Variants in CCSER1 observed in about 807,000 individuals in gnomAD.
The protein encoded by CCSER1 is coiled-coil serine rich protein 1.
CCSER1 carries 41 observed loss-of-function variants against 82.0 expected under a neutral mutation model. That is an observed-to-expected ratio of 0.50 (90% CI 0.39 to 0.65). CCSER1 has a LOEUF of 0.65. CCSER1 is among the 30% of genes least tolerant of loss of function. The pLI is 0.00. For synonymous variants in CCSER1, 414 were observed against 383.9 expected, an observed-to-expected ratio of 1.08 and a Z score of -0.92; for missense variants, 1,119 against 1,064.2, an observed-to-expected ratio of 1.05 and a Z score of -0.72.
At chr4:90,523,943 G>A (rs948041426) in intron 5 of CCSER1, among the ~76,000 whole-genome samples, 11 of 152,098 alleles carry the variant, frequency 7.2e-5, no homozygotes, top group Non-Finnish European at 1.5e-4. Flanking sequence ...TGTACATGAA[G>A]TTGAAAACCT....
In CCSER1 at chr4:90,309,147, G is replaced by A; in HGVS notation, c.863G>A (p.Gly288Asp). ...ATGGCATCCCACTGTGACAACTTTG[G>A]CCACAATGATTCTACCTCTCAGATG... is the stretch of plus-strand genomic sequence containing the variant. Reference protein sequence around the residue: ...GSMASHCDNFGHNDSTSQMSL... With the variant: ...GSMASHCDNFDHNDSTSQMSL... The change falls in exon 2 of 11, where the codon GGC (glycine) becomes GAC (aspartate). Residue 288 changes from glycine (G) to aspartate (D), a missense_variant. Gly to Asp is a moderately conservative substitution (Grantham distance 94). Transcript: ENST00000509176. The A allele has an allele frequency of 6.2e-7, 1 of 1,613,890 alleles. No individual in the cohort carries two copies. The highest frequency in any genetic ancestry group is 8.5e-7 in the Non-Finnish European group (1 of 1,179,842).
intron 3 of CCSER1, among the ~76,000 whole-genome samples, chr4:90,346,931 G>A (rs1742450260): frequency 1.3e-5 from 2 of 152,144 alleles, no homozygotes; most frequent in Non-Finnish European, 2.9e-5. Context: ...TTTACTTTCA[G>A]TGGAAGAAAT....
At chr4:91,311,431 A>AT (rs1015898865) in intron 10 of CCSER1, among the ~76,000 whole-genome samples, 3 of 151,882 alleles carry the variant, frequency 2.0e-5, no homozygotes, top group Non-Finnish European at 2.9e-5. Context: ...TTTGACATAG[A>AT]TTTTTTTCCT....
chr4:90,584,776 G>A (rs1560762432), intron 5 of CCSER1, among the ~76,000 whole-genome samples: 2 of 151,968 alleles, frequency 1.3e-5, no homozygotes, highest in African/African-American at 4.8e-5. Context: ...TATGAAGTAC[G>A]TATTTAACCA....
In CCSER1 at chr4:90,580,100, A is replaced by T. The variant is rs190702724; in HGVS notation, c.1725-47925A>T. On this transcript the variant is annotated intron_variant, in intron 5 of 10. Transcript: ENST00000509176. ...TTGCCTTACCTAGATTTCCTGATGA[A>T]TGATAAACAGGAGAGGCTGAGCTAT... 3.7e-3 allele frequency among the ~76,000 whole-genome samples: 562 copies of T among 152,318 alleles called. 1 individual carries two copies. The highest frequency in any genetic ancestry group is 6.3e-3 in the Non-Finnish European group (428 of 68,028).
At chr4:90,860,188 A>T (rs1221397378) in intron 8 of CCSER1, among the ~76,000 whole-genome samples, 4 of 151,692 alleles carry the variant, frequency 2.6e-5, no homozygotes, top group Non-Finnish European at 5.9e-5. Context: ...TAAAATGGGC[A>T]TACCATTTGA....
At chr4:90,691,696 C>T (rs893631849) in intron 6 of CCSER1, among the ~76,000 whole-genome samples, 6 of 138,670 alleles carry the variant, frequency 4.3e-5, no homozygotes, top group Non-Finnish European at 9.6e-5. Flanking sequence ...TATATATACA[C>T]ACATATATGT....
chr4:91,020,810 G>C (rs1739888240), intron 9 of CCSER1, among the ~76,000 whole-genome samples: 1 of 152,042 alleles, frequency 6.6e-6, no homozygotes, highest in Non-Finnish European at 1.5e-5. Flanking sequence ...AAGTATCCAA[G>C]GTACTTCTGT....
chr4:91,301,355 A>T (rs1402539188), intron 10 of CCSER1, among the ~76,000 whole-genome samples: 1 of 151,800 alleles, frequency 6.6e-6, no homozygotes, highest in African/African-American at 2.4e-5. Context: ...TGCAATATTA[A>T]AAAGGAGAAT....
At chr4:90,724,409 A>C (rs1743263983) in intron 7 of CCSER1, among the ~76,000 whole-genome samples, 1 of 151,964 alleles carries the variant, frequency 6.6e-6, no homozygotes, top group African/African-American at 2.4e-5. Flanking sequence ...TTAAAATAAG[A>C]GTCAAAATCA....
At chr4:91,262,247 C>CAGTTTATTTTTA (rs1560550923) in intron 10 of CCSER1, among the ~76,000 whole-genome samples, 1 of 151,944 alleles carries the variant, frequency 6.6e-6, no homozygotes. Context: ...ATAAATCTAC[C>CAGTTTATTTTTA]TCTTAAGTTT....
At chr4:91,084,025 G>A (rs2148811884) in intron 9 of CCSER1, among the ~76,000 whole-genome samples, 1 of 152,224 alleles carries the variant, frequency 6.6e-6, no homozygotes, top group Middle Eastern at 3.4e-3. Context: ...CTGCTTTCTG[G>A]GTTCAAGCTA....
intron 9 of CCSER1, among the ~76,000 whole-genome samples, chr4:91,017,458 A>G (rs756247962): frequency 1.3e-5 from 2 of 152,158 alleles, no homozygotes; most frequent in African/African-American, 2.4e-5. Flanking sequence ...GGTTCGTTAT[A>G]TAGGTAAACT....
intron 10 of CCSER1, among the ~76,000 whole-genome samples, chr4:91,104,131 G>A (rs895203718): frequency 1.3e-5 from 2 of 152,072 alleles, no homozygotes; most frequent in Non-Finnish European, 2.9e-5. Context: ...TGGTCAGATC[G>A]GTTCTCTGCA....
intron 10 of CCSER1, among the ~76,000 whole-genome samples, chr4:91,382,174 G>A (rs918883940): frequency 1.3e-5 from 2 of 152,190 alleles, no homozygotes; most frequent in Admixed American, 1.3e-4. Context: ...CTACTGGGGG[G>A]TTCCTCCCAG....
At chr4:91,010,187 T>G (rs375395001) in intron 9 of CCSER1, among the ~76,000 whole-genome samples, 8 of 151,690 alleles carry the variant, frequency 5.3e-5, no homozygotes, top group Non-Finnish European at 1.5e-5. Context: ...AGTGGCAGGG[T>G]TTTTTTTGTT....
intron 6 of CCSER1, among the ~76,000 whole-genome samples, chr4:90,634,929 A>G (rs767445496): frequency 2.0e-5 from 3 of 151,928 alleles, no homozygotes; most frequent in South Asian, 2.1e-4. Context: ...TAGAGTGACT[A>G]TACTAGTATC....
chr4:90,577,469 C>T (rs1436902452), intron 5 of CCSER1, among the ~76,000 whole-genome samples: 2 of 152,094 alleles, frequency 1.3e-5, no homozygotes, highest in East Asian at 3.9e-4. Flanking sequence ...GAGGTTTCTG[C>T]TGGTGGATTT....
At chr4:91,362,657 T>G (rs369338609) in intron 10 of CCSER1, among the ~76,000 whole-genome samples, 1 of 151,878 alleles carries the variant, frequency 6.6e-6, no homozygotes, top group Non-Finnish European at 1.5e-5. Context: ...TAGATTGAGA[T>G]GGCATCTAGA....
Sources: allele counts gnomAD v4.1 joint callset (sites outside exome capture counted in the v4.1 genomes callset), GRCh38; gene constraint gnomAD v4.1.1; transcripts MANE v1.5; gene names NCBI Gene and HGNC (gene_info 2026-07-23, HGNC 2026-07-21).